The following RABIF variants were observed in gnomAD, a reference collection of about 807,000 sequenced individuals.
RABIF encodes guanine nucleotide exchange factor MSS4.
Under a neutral mutation model 12.3 loss-of-function variants are expected in RABIF, and 13 were observed. That is an observed-to-expected ratio of 1.06 (90% CI 0.69 to 1.68). The LOEUF is 1.68. Ranked by LOEUF, RABIF falls within the 40% of genes most tolerant of loss-of-function variation. RABIF has a pLI of 0.00. For missense variants in RABIF, 153 were observed against 158.0 expected (o/e 0.97, Z 0.17); for synonymous variants, 70 against 63.3 (o/e 1.11, Z -0.50).
chr1:202,881,547 G>T (rs1452960433), intron 1 of RABIF, among the ~76,000 whole-genome samples: 2 of 152,084 alleles, frequency 1.3e-5, no homozygotes, highest in Non-Finnish European at 2.9e-5. Flanking sequence ...GACTACAGGT[G>T]CCCGCCACCA....
rs916912515 is a variant in RABIF, at chr1:202,878,700, C to A, written c.*2278G>T. ...CTTTCACAAAATCAACTGCTCTCCC[C>A]AATAGAAAACGGAAGTTTCTATACT... On this transcript the variant is annotated 3_prime_UTR_variant, in exon 2 of 2. Coordinates refer to ENST00000367262, the MANE Select transcript of RABIF (RefSeq NM_002871.5). Among the ~76,000 whole-genome samples, 1 of 152,170 alleles carries A rather than the reference C, an allele frequency of 6.6e-6. No individual in the cohort carries two copies. The highest frequency in any genetic ancestry group is 2.4e-5 in the African/African-American group (1 of 41,434).
chr1:202,885,308 C>T (rs1300290733), intron 1 of RABIF, among the ~76,000 whole-genome samples: 1 of 152,158 alleles, frequency 6.6e-6, no homozygotes, highest in African/African-American at 2.4e-5. Flanking sequence ...GATACAGTAA[C>T]TCCTAGGCCC....
chr1:202,888,745 G>C (rs993094392), intron 1 of RABIF, among the ~76,000 whole-genome samples: 4 of 152,204 alleles, frequency 2.6e-5, no homozygotes, highest in African/African-American at 9.6e-5. Context: ...GGTGGCCCAG[G>C]GAAGGGTTCC....
chr1:202,885,326 C>T (rs1659545617), intron 1 of RABIF, among the ~76,000 whole-genome samples: 1 of 152,184 alleles, frequency 6.6e-6, no homozygotes, highest in Admixed American at 6.5e-5. Context: ...CCCTGGATCA[C>T]CTCAAAGGTA....
rs1659480294 is a variant in RABIF, at chr1:202,881,006, A to G, written c.344T>C (p.Val115Ala). The change falls in exon 2 of 2, where the codon GTG becomes GCG. Residue 115 changes from valine (V) to alanine (A), a missense_variant. Physicochemically the swap from Val to Ala is moderately conservative, Grantham distance 64. Transcript: ENST00000367262. ...HCLDDKNSFY[V>A]ALERVSHE ...CTCATGGGAAACTCGTTCCAAGGCC[A>G]CATAGAAACTGTTCTTGTCATCTAG... is the stretch of plus-strand genomic sequence containing the variant. 1 of 1,614,112 alleles carries G rather than the reference A, an allele frequency of 6.2e-7. No individual in the cohort carries two copies. The highest frequency in any genetic ancestry group is 1.7e-5 in the Admixed American group (1 of 60,026).
intron 1 of RABIF, 57 bp from the exon 2 acceptor site, chr1:202,881,280 C>T: frequency 6.4e-7 from 1 of 1,557,010 alleles, no homozygotes; most frequent in Non-Finnish European, 8.7e-7. Context: ...GTTCCATCAA[C>T]ACCCCCGTTC....
Position 202,881,152 on chromosome 1 carries a change from C to T in RABIF, c.198G>A (p.Gln66=). ...ACATGTCCTCAACCAGCCAGTGTTC[C>T]TGGAGGAGATCGCCGTCAGGATTGC... The part of the protein sequence containing the change: ...DGSNPDGDLL[Q]EHWLVEDMFI... The change falls in exon 2 of 2, where the codon CAG becomes CAA. Residue 66 remains glutamine, a synonymous_variant. Transcript: ENST00000367262. 6.2e-7 allele frequency: 1 copy of T among 1,614,154 alleles called. No homozygotes were observed. The highest frequency in any genetic ancestry group is 8.5e-7 in the Non-Finnish European group (1 of 1,180,026).
At chr1:202,886,827 G>A (rs1659569802) in intron 1 of RABIF, among the ~76,000 whole-genome samples, 1 of 149,582 alleles carries the variant, frequency 6.7e-6, no homozygotes, top group Non-Finnish European at 1.5e-5. Context: ...TCTGCCTCCC[G>A]GGTTCAAGCG....
At chr1:202,885,064 G>T (rs1659540090) in intron 1 of RABIF, among the ~76,000 whole-genome samples, 1 of 140,796 alleles carries the variant, frequency 7.1e-6, no homozygotes, top group African/African-American at 2.8e-5. Flanking sequence ...TCCAGCCTGG[G>T]CAACAGAGTG....
chr1:202,886,058 T>C (rs1659556210), intron 1 of RABIF, among the ~76,000 whole-genome samples: 1 of 151,814 alleles, frequency 6.6e-6, no homozygotes, highest in Non-Finnish European at 1.5e-5. Context: ...GGCCCCTTTC[T>C]AGAATAGGGA....
At chr1:202,883,130 C>A (rs1320244366) in intron 1 of RABIF, among the ~76,000 whole-genome samples, 4 of 152,240 alleles carry the variant, frequency 2.6e-5, no homozygotes, top group African/African-American at 9.6e-5. Flanking sequence ...AAGTTTGTTA[C>A]CCCTCTGCTC....
chr1:202,886,381 G>C (rs918949199), intron 1 of RABIF, among the ~76,000 whole-genome samples: 24 of 151,502 alleles, frequency 1.6e-4, no homozygotes, highest in African/African-American at 5.8e-4. Context: ...CCTGCCGGGC[G>C]GAGCGGCTCA....
chr1:202,880,749 G>C lies in RABIF; in HGVS notation c.*229C>G. ...TAAGCACAGTGTCCCAAAACTGGGG[G>C]AAAAGGGAGCTTAGGAAATGTGATA... On this transcript the variant is annotated 3_prime_UTR_variant, in exon 2 of 2. Coordinates refer to ENST00000367262, the MANE Select transcript of RABIF (RefSeq NM_002871.5). 1 of 1,288,256 alleles carries C rather than the reference G, an allele frequency of 7.8e-7. No homozygotes were observed. The highest frequency in any genetic ancestry group is 9.9e-7 in the Non-Finnish European group (1 of 1,012,960). 79.8% of individuals were successfully genotyped at this position (1,288,256 alleles called of 1,614,324 possible).
Position 202,880,438 on chromosome 1 carries a change from T to C in RABIF, c.*540A>G, listed in dbSNP as rs1400823499. On this transcript the variant is annotated 3_prime_UTR_variant, in exon 2 of 2. Transcript: ENST00000367262. The stretch of plus-strand genomic sequence containing the variant: ...AGAGATGCATCCAAAGTAATGTTTC[T>C]GGTTAGTGGTTTAAATACTGAGTTT... 3 of 154,410 alleles carry C rather than the reference T, an allele frequency of 1.9e-5. No individual in the cohort carries two copies. The highest frequency in any genetic ancestry group is 6.5e-5 in the Admixed American group (1 of 15,320). 9.6% of individuals were successfully genotyped at this position (154,410 alleles called of 1,614,324 possible).
At chr1:202,882,598 AT>A (rs1659506540) in intron 1 of RABIF, among the ~76,000 whole-genome samples, 2 of 152,178 alleles carry the variant, frequency 1.3e-5, no homozygotes, top group South Asian at 4.1e-4. Context: ...ACTTTAGCAC[AT>A]GTATACTGGT....
At chr1:202,885,226 CCT>C (rs1659543686) in intron 1 of RABIF, among the ~76,000 whole-genome samples, 1 of 152,160 alleles carries the variant, frequency 6.6e-6, no homozygotes, top group Non-Finnish European at 1.5e-5. Context: ...TGCTACATGT[CCT>C]CTGGAGGTCT....
At position 202,880,882 on chromosome 1, in the gene RABIF, C is replaced by T. The variant is rs1008015236; in HGVS notation, c.*96G>A. 3 of 1,543,658 alleles carry T rather than the reference C, an allele frequency of 1.9e-6. No homozygotes were observed. Among genetic ancestry groups the T allele is most frequent in the Non-Finnish European group, 1.7e-6 (2 of 1,145,562 alleles). On this transcript the variant is annotated 3_prime_UTR_variant, in exon 2 of 2. Coordinates refer to ENST00000367262, the MANE Select transcript of RABIF (RefSeq NM_002871.5). ...TACTCAGTATTTATATTAGCACAGA[C>T]AAGAAGGCAGCGGAACAGTTATACC...
At chr1:202,887,239 T>A (rs1659576914) in intron 1 of RABIF, among the ~76,000 whole-genome samples, 1 of 152,086 alleles carries the variant, frequency 6.6e-6, no homozygotes, top group Non-Finnish European at 1.5e-5. Context: ...TATCATCATC[T>A]TCATTTTACA....
At position 202,880,730 on chromosome 1, in the gene RABIF, C is replaced by G; in HGVS notation, c.*248G>C. The G allele has an allele frequency of 8.0e-7, 1 of 1,251,428 alleles. No individual in the cohort carries two copies. Among genetic ancestry groups the G allele is most frequent in the Non-Finnish European group, 1.0e-6 (1 of 990,782 alleles). 77.5% of individuals were successfully genotyped at this position (1,251,428 alleles called of 1,614,324 possible). A position where few individuals can be genotyped will look rare whatever the true frequency, so the allele number is the denominator to read the frequency against. On this transcript the variant is annotated 3_prime_UTR_variant, in exon 2 of 2. Coordinates refer to ENST00000367262, the MANE Select transcript of RABIF (RefSeq NM_002871.5). ...GAGATGAGATTTTTGGAGGTAAGCA[C>G]AGTGTCCCAAAACTGGGGGAAAAGG...
Sources: allele counts gnomAD v4.1 joint callset (sites outside exome capture counted in the v4.1 genomes callset), GRCh38; gene constraint gnomAD v4.1.1; transcripts MANE v1.5; gene names NCBI Gene and HGNC (gene_info 2026-07-23, HGNC 2026-07-21).